Variants in MYH2 observed in about 807,000 individuals in gnomAD.
MYH2 encodes the protein myosin heavy chain 2, also known as myosin-2.
A neutral mutation model predicts 228.1 loss-of-function variants in MYH2; 139 were observed. The observed-to-expected ratio is 0.61, with a 90% CI of 0.53 to 0.70. The LOEUF (loss-of-function observed/expected upper bound fraction) is 0.70. Among genes scored for constraint, MYH2 ranks in the 30% least tolerant of loss-of-function variants. The pLI is 0.00. For synonymous variants in MYH2, 796 were observed against 871.1 expected, an observed-to-expected ratio of 0.91 and a Z score of 1.52; for missense variants, 1,809 against 2,357.5, an observed-to-expected ratio of 0.77 and a Z score of 4.82.
Position 10,521,398 on chromosome 17 carries a change from C to T in MYH2, c.5708G>A (p.Arg1903His), listed in dbSNP as rs770302436. Residue 1903 changes from arginine (R) to histidine (H), a missense_variant, in exon 40 of 40, where the codon CGC becomes CAC. Transcript: ENST00000245503. ...EQSNTNLAKF[R>H]KLQHELEEAE... is the part of the protein sequence containing the mutation. ...CTCCTCCAGCTCATGCTGGAGCTTG[C>T]GGAATTTAGCTAGATTGGTGTTGGA... The T allele has an allele frequency of 3.7e-5, 59 of 1,613,848 alleles. No individual in the cohort carries two copies. Among genetic ancestry groups the T allele is most frequent in the South Asian group, 2.3e-4 (21 of 91,078 alleles).
chr17:10,524,150 A>G lies in MYH2; in HGVS notation c.5176-266T>C, dbSNP rs1423609054. 1.3e-5 allele frequency among the ~76,000 whole-genome samples: 2 copies of G among 152,204 alleles called. No homozygotes were observed. Among genetic ancestry groups the G allele is most frequent in the Non-Finnish European group, 2.9e-5 (2 of 68,040 alleles). ...ATTTACCAATAGACCATTCACAGGG[A>G]TAAAAGTATAATGGACTTTCTCATA... On this transcript the variant is annotated intron_variant, in intron 35 of 39. Coordinates refer to ENST00000245503, the MANE Select transcript of MYH2 (RefSeq NM_017534.6). The surrounding 1 kb of genome is among the most constrained non-coding windows in gnomAD (Gnocchi z 4.7).
rs138646250 is a variant in MYH2, at chr17:10,547,559, G to A, written c.264C>T (p.Ile88=). 62 of 1,613,940 alleles carry A rather than the reference G, an allele frequency of 3.8e-5. No homozygotes were observed. Among genetic ancestry groups the A allele is most frequent in the Admixed American group, 8.3e-5 (5 of 60,006 alleles). The change falls in exon 4 of 40, where the codon ATC becomes ATT. Residue 88 remains isoleucine, a synonymous_variant. Transcript: ENST00000245503. ...FPMNPPKYDK[I]EDMAMMTHLH... is the part of the protein sequence containing the mutation. ...GATGAGTCATCATGGCCATATCCTCGATCTTGTCATATTTGGGAGGGTTCA... is the reference window on the plus strand; with the variant it reads ...GATGAGTCATCATGGCCATATCCTCAATCTTGTCATATTTGGGAGGGTTCA...
rs773415186 is a variant in MYH2 at position 10,533,588 on chromosome 17, A to G, written c.2225T>C (p.Ile742Thr). The change falls in exon 20 of 40, where the codon ATT becomes ACT. Residue 742 changes from isoleucine to threonine, a missense_variant. Coordinates refer to ENST00000245503, the MANE Select transcript of MYH2 (RefSeq NM_017534.6). ...NASAIPEGQF[I>T]DSKKASEKLL... ...CTTCTCAGAGGCCTTCTTGCTATCA[A>G]TGAATTGCCCTTCAGGGATTGCACT... 27 of 1,614,054 alleles carry G rather than the reference A, an allele frequency of 1.7e-5. No homozygotes were observed. Among genetic ancestry groups the G allele is most frequent in the Non-Finnish European group, 1.8e-5 (21 of 1,180,000 alleles).
At position 10,524,720 on chromosome 17, in the gene MYH2, C is replaced by T. The variant is rs918894287; in HGVS notation, c.4971+37G>A. On this transcript the variant is annotated intron_variant, in intron 34 of 39. Transcript: ENST00000245503. This position sits in a 1 kb window ranked among gnomAD's most constrained non-coding sequence, Gnocchi z 4.7. Reference sequence around the variant, plus strand: ...ATCATGTTCTCAGGGTTGCAGGCACCCCAATAGTCCTGGGACCATCTCTTG... The same window carrying T: ...ATCATGTTCTCAGGGTTGCAGGCACTCCAATAGTCCTGGGACCATCTCTTG... The T allele has an allele frequency of 6.2e-7, 1 of 1,614,056 alleles. No homozygotes were observed. The highest frequency in any genetic ancestry group is 8.5e-7 in the Non-Finnish European group (1 of 1,180,048).
rs1567733383 is a variant in MYH2, at chr17:10,536,604, C to T, written c.1900G>A (p.Gly634Arg). The change falls in exon 17 of 40, where the codon GGA becomes AGA. Residue 634 changes from glycine (G) to arginine (R), a missense_variant and splice_region_variant. Gly to Arg is a moderately radical substitution (Grantham distance 125). Transcript: ENST00000245503. The part of the protein sequence containing the change: ...FSGAQTAEGE[G>R]AGGGAKKGGK... ...CCTTTCTTGGCCCCTCCACCAGCTC[C>T]CTCTGAAGAAAAAGGAAGAAAAGAA... 1 of 1,613,280 alleles carries T rather than the reference C, an allele frequency of 6.2e-7. No homozygotes were observed. The highest frequency in any genetic ancestry group is 8.5e-7 in the Non-Finnish European group (1 of 1,179,458).
Position 10,523,024 on chromosome 17 carries a change from T to A in MYH2, c.5673+66A>T, listed in dbSNP as rs570059747. Reference sequence around the variant, plus strand: ...AGTAGTCTTTAAAGCAAACAGCTTGTTCACTACAAGAAGTAGTAATTATTT... The same window carrying A: ...AGTAGTCTTTAAAGCAAACAGCTTGATCACTACAAGAAGTAGTAATTATTT... On this transcript the variant is annotated intron_variant, in intron 39 of 39. Transcript: ENST00000245503. 165 of 1,148,214 alleles carry A rather than the reference T, an allele frequency of 1.4e-4. No individual in the cohort carries two copies. The African/African-American group carries it at 2.3e-3, about 16-fold the overall frequency. 71.1% of individuals were successfully genotyped at this position (1,148,214 alleles called of 1,614,324 possible). A position where few individuals can be genotyped will look rare whatever the true frequency, so the allele number is the denominator to read the frequency against.
At chr17:10,544,798 A>T (rs1404665739) in intron 5 of MYH2, among the ~76,000 whole-genome samples, 1 of 152,184 alleles carries the variant, frequency 6.6e-6, no homozygotes, top group Non-Finnish European at 1.5e-5. Context: ...TCAACATCTA[A>T]CTGTTTTAAT....
chr17:10,542,352 T>C (rs2073567478), intron 10 of MYH2, among the ~76,000 whole-genome samples: 1 of 152,206 alleles, frequency 6.6e-6, no homozygotes, highest in African/African-American at 2.4e-5. Flanking sequence ...TGTATCACTA[T>C]AGTGTTGATT....
At chr17:10,527,427 C>G (rs543016482) in intron 28 of MYH2, among the ~76,000 whole-genome samples, 61 of 152,306 alleles carry the variant, frequency 4.0e-4, no homozygotes, top group African/African-American at 1.4e-3. Flanking sequence ...CTGGAAGTTA[C>G]TTGACCCTCA....
chr17:10,542,383 A>G (rs557173377), intron 10 of MYH2, among the ~76,000 whole-genome samples: 1 of 152,342 alleles, frequency 6.6e-6, no homozygotes, highest in South Asian at 2.1e-4. Context: ...CAGAATTGGA[A>G]ATAATCTATC....
chr17:10,538,073 C>T (rs919524943), intron 14 of MYH2, among the ~76,000 whole-genome samples: 3 of 152,086 alleles, frequency 2.0e-5, no homozygotes, highest in Non-Finnish European at 4.4e-5. Flanking sequence ...ATATTCTTTT[C>T]CTGCATTTGC....
chr17:10,536,840 C>T (rs575318840), intron 16 of MYH2, among the ~76,000 whole-genome samples: 4 of 152,296 alleles, frequency 2.6e-5, no homozygotes, highest in African/African-American at 7.2e-5. Flanking sequence ...GAGGGATTCC[C>T]TAATATTAGG....
Position 10,533,525 on chromosome 17 carries a change from T to G in MYH2, c.2288A>C (p.Lys763Thr). The G allele has an allele frequency of 6.2e-7, 1 of 1,614,096 alleles. No homozygotes were observed. Reference protein sequence around the residue: ...ASIDIDHTQYKFGHTKVFFKA... With the variant: ...ASIDIDHTQYTFGHTKVFFKA... ...GAAAATTACCTTGGTGTGCCCAAATTTATACTGGGTGTGGTCAATGTCGAT... is the reference window on the plus strand; with the variant it reads ...GAAAATTACCTTGGTGTGCCCAAATGTATACTGGGTGTGGTCAATGTCGAT... Residue 763 changes from lysine to threonine, a missense_variant, in exon 20 of 40, where the codon AAA becomes ACA. By Grantham distance (78) the Lys-to-Thr change is moderately conservative. Around this residue, in one of 9 missense-constraint regions of MYH2, gnomAD observed 276 missense variants for 344.2 expected, o/e 0.80. Transcript: ENST00000245503.
At position 10,522,252 on chromosome 17, in the gene MYH2, C is replaced by T. The variant is rs922741942; in HGVS notation, c.5674-820G>A. 2.6e-5 allele frequency among the ~76,000 whole-genome samples: 4 copies of T among 152,300 alleles called. No individual in the cohort carries two copies. The South Asian group carries it at 6.2e-4, about 24-fold the overall frequency. On this transcript the variant is annotated intron_variant, in intron 39 of 39. Transcript: ENST00000245503. ...CCATTTCCAGAAGTAATTCAGCCAA[C>T]TTAGTAATTTATATCCTCCTAGAAA...
At chr17:10,546,256 G>GATAT (rs71139049) in intron 4 of MYH2, among the ~76,000 whole-genome samples, 2,071 of 65,974 alleles carry the variant, frequency 0.031, 239 homozygotes, top group African/African-American at 0.11. Flanking sequence ...GACACGAAAT[G>GATAT]ATATATATAT....
chr17:10,536,687 C>T (rs1206258234), intron 16 of MYH2, 81 bp from the exon 17 acceptor site: 3 of 1,316,018 alleles, frequency 2.3e-6, no homozygotes, highest in East Asian at 4.8e-5. Flanking sequence ...CTGTGTTCAT[C>T]GAGTGGAGCC....
At chr17:10,526,056 C>T (rs918005813) in intron 30 of MYH2, among the ~76,000 whole-genome samples, 180 bp from the exon 31 acceptor site, 5 of 152,030 alleles carry the variant, frequency 3.3e-5, no homozygotes, top group Non-Finnish European at 1.5e-5. Context: ...CAGCAGTGAC[C>T]AAGACAAAAA....
Position 10,533,623 on chromosome 17 carries a change from T to C in MYH2, c.2190A>G (p.Val730=). 6.2e-7 allele frequency: 1 copy of C among 1,614,152 alleles called. No homozygotes were observed. Among genetic ancestry groups the C allele is most frequent in the Non-Finnish European group, 8.5e-7 (1 of 1,179,944 alleles). Residue 730 remains valine (V), a synonymous_variant, in exon 20 of 40, where the codon GTA becomes GTG. Transcript: ENST00000245503. ...CTTCAGGGATTGCACTTGCATTTAA[T>C]ACCTTGTATCTGTTGAAGTACATAT... The part of the protein sequence containing the change: ...LYADFKQRYK[V]LNASAIPEGQ...
chr17:10,526,759 G>C lies in MYH2; in HGVS notation c.4027C>G (p.Arg1343Gly), dbSNP rs145911509. Residue 1343 changes from arginine (R) to glycine (G), a missense_variant, in exon 30 of 40, where the codon CGC (arginine) becomes GGC (glycine). Arg to Gly is a moderately radical substitution (Grantham distance 125). This residue lies in a region of MYH2 where 636 missense variants were observed against 729.9 expected (regional missense o/e 0.87). Transcript: ENST00000245503. ...TCCCGCAGCAGGTCACAGTCGTGGC[G>C]GGAAGACTGCAGGGCATGCGCCAGG... ...NALAHALQSS[R>G]HDCDLLREQY... 75 of 1,614,238 alleles carry C rather than the reference G, an allele frequency of 4.6e-5. 2 individuals carry two copies. The South Asian group carries it at 7.8e-4, about 17-fold the overall frequency.
Sources: gnomAD v4.1 joint callset for allele counts (sites outside exome capture counted in the v4.1 genomes callset) on GRCh38, gnomAD v4.1.1 for gene constraint, gnomAD v4.1.1 regional missense constraint, Gnocchi (gnomAD v3.1) non-coding constraint, MANE v1.5 for transcripts, NCBI Gene and HGNC (gene_info 2026-07-23, HGNC 2026-07-21) for gene names.